Variants in TRHDE observed in about 807,000 individuals in gnomAD.
TRHDE encodes thyrotropin releasing hormone degrading enzyme.
TRHDE carries 72 observed loss-of-function variants against 125.7 expected under a neutral mutation model. The observed-to-expected ratio is 0.57, with a 90% CI of 0.47 to 0.70. TRHDE has a LOEUF of 0.70. Ranked by LOEUF, TRHDE falls within the 30% of genes least tolerant of loss-of-function variation. The probability of loss-of-function intolerance (pLI) is 0.00; values close to 1 mark genes in which losing one functional copy is unlikely to be tolerated. For missense variants in TRHDE, 1,110 were observed against 1,327.1 expected (o/e 0.84, Z 2.54); for synonymous variants, 509 against 509.1 (o/e 1.00, Z 0.00).
At chr12:72,238,054 T>C (rs1878370687) in intron 2 of TRHDE, among the ~76,000 whole-genome samples, 1 of 151,670 alleles carries the variant, frequency 6.6e-6, no homozygotes, top group African/African-American at 2.4e-5. Context: ...GTAAGGACTT[T>C]GGCATTGACA....
At chr12:72,453,729 G>A (rs1875696007) in intron 3 of TRHDE, among the ~76,000 whole-genome samples, 1 of 152,210 alleles carries the variant, frequency 6.6e-6, no homozygotes, top group Non-Finnish European at 1.5e-5. Context: ...CAGGCTCAGA[G>A]CCCTGTTGCC....
In TRHDE at chr12:72,663,781, G is replaced by C. The variant is rs1306462420; in HGVS notation, c.*586G>C. 1 of 152,326 alleles carries C rather than the reference G, an allele frequency of 6.6e-6. No homozygotes were observed. Among genetic ancestry groups the C allele is most frequent in the Non-Finnish European group, 1.5e-5 (1 of 68,018 alleles). The allele number at this position is 152,326 out of a possible 1,614,324, so 9.4% of individuals were successfully genotyped here. On this transcript the variant is annotated 3_prime_UTR_variant, in exon 19 of 19. Coordinates refer to ENST00000261180, the MANE Select transcript of TRHDE (RefSeq NM_013381.3). ...CATCACTTATTTCAGCACTTGGATT[G>C]TCTGGCAATGATTACTGTGTTGCTA...
chr12:72,224,162 G>GTATCTATCTATCTATC (rs1219858596), intron 2 of TRHDE, among the ~76,000 whole-genome samples: 2 of 27,044 alleles, frequency 7.4e-5, no homozygotes, highest in African/African-American at 2.3e-4. Context: ...ATGTATGTAT[G>GTATCTATCTATCTATC]TATGTATCTA....
At chr12:72,366,067 CTCTT>C (rs1483091536) in intron 2 of TRHDE, among the ~76,000 whole-genome samples, 1 of 152,120 alleles carries the variant, frequency 6.6e-6, no homozygotes, top group Non-Finnish European at 1.5e-5. Flanking sequence ...GTCCAACGAA[CTCTT>C]TCTGCCTCCC....
At chr12:72,139,321 A>G (rs1340488434) in intron 2 of TRHDE, among the ~76,000 whole-genome samples, 1 of 152,086 alleles carries the variant, frequency 6.6e-6, no homozygotes, top group African/African-American at 2.4e-5. Flanking sequence ...AATTTTTTTC[A>G]GACAACATGT....
At chr12:72,445,435 C>T (rs1209468644) in intron 3 of TRHDE, among the ~76,000 whole-genome samples, 1 of 151,886 alleles carries the variant, frequency 6.6e-6, no homozygotes, top group African/African-American at 2.4e-5. Context: ...TTTTCAGAGA[C>T]ACTCCCAACC....
rs1592601412 is a variant in TRHDE, at chr12:72,660,048, G to A, written c.3067-3004G>A. 2.6e-5 allele frequency among the ~76,000 whole-genome samples: 4 copies of A among 152,068 alleles called. No individual in the cohort carries two copies. The East Asian group carries it at 7.7e-4, about 29-fold the overall frequency. ...TATACAAGACAAGGGGGCAGGGTAAGGAGGATAAGTCATCCAAGTGATTGA... is the reference window on the plus strand; with the variant it reads ...TATACAAGACAAGGGGGCAGGGTAAAGAGGATAAGTCATCCAAGTGATTGA... On this transcript the variant is annotated intron_variant, in intron 18 of 18. Transcript: ENST00000261180.
At chr12:72,636,331 TG>T (rs1873750022) in intron 15 of TRHDE, among the ~76,000 whole-genome samples, 1 of 151,064 alleles carries the variant, frequency 6.6e-6, no homozygotes, top group South Asian at 2.1e-4. Context: ...TAAGAATGCT[TG>T]TGATTTTTGT....
chr12:72,171,029 A>G (rs2139335226), intron 2 of TRHDE, among the ~76,000 whole-genome samples: 1 of 152,308 alleles, frequency 6.6e-6, no homozygotes, highest in Non-Finnish European at 1.5e-5. Context: ...TAAGGAGACC[A>G]ATAAGTTCTC....
intron 2 of TRHDE, among the ~76,000 whole-genome samples, chr12:72,348,815 T>A (rs894195098): frequency 1.3e-5 from 2 of 152,032 alleles, no homozygotes; most frequent in African/African-American, 4.8e-5. Context: ...ACCATATGAA[T>A]TTTCTGGAAT....
rs371092653 is a variant in TRHDE at position 72,647,006 on chromosome 12, G to A, written c.2676-5316G>A. Among the ~76,000 whole-genome samples the A allele has an allele frequency of 3.0e-4, 46 of 152,000 alleles. No homozygotes were observed. In the East Asian group the frequency reaches 3.5e-3, roughly 12 times the overall value. On this transcript the variant is annotated intron_variant, in intron 15 of 18. Coordinates refer to ENST00000261180, the MANE Select transcript of TRHDE (RefSeq NM_013381.3). ...ACATACACAGAATATCCTACCGTCC[G>A]ACAACAGAATATACATTCTTCTCAA... is the stretch of plus-strand genomic sequence containing the variant.
intron 2 of TRHDE, among the ~76,000 whole-genome samples, chr12:72,222,255 G>A (rs185601952): frequency 6.6e-6 from 1 of 152,216 alleles, no homozygotes; most frequent in East Asian, 1.9e-4. Context: ...GGTAAGAAGA[G>A]TATGTGGAAT....
chr12:72,622,067 C>A (rs1223277988), intron 15 of TRHDE, among the ~76,000 whole-genome samples: 3 of 152,010 alleles, frequency 2.0e-5, no homozygotes, highest in Admixed American at 6.6e-5. Context: ...GAAATTCAAT[C>A]CAGACTCTTT....
intron 2 of TRHDE, among the ~76,000 whole-genome samples, chr12:72,325,494 T>G (rs1869297786): frequency 6.6e-6 from 1 of 152,136 alleles, no homozygotes. Flanking sequence ...ATTTGATGTT[T>G]TAGGAATAAA....
At chr12:72,105,669 G>T (rs914557119) in exon 2 of TRHDE, 21 of 152,144 alleles carry the variant, frequency 1.4e-4, no homozygotes, top group African/African-American at 4.8e-4. Flanking sequence ...AGGCACAAGT[G>T]TTATGTGGTC....
intron 1 of TRHDE, among the ~76,000 whole-genome samples, chr12:72,089,272 T>C (rs536614377): frequency 1.3e-5 from 2 of 152,308 alleles, no homozygotes; most frequent in South Asian, 4.1e-4. Flanking sequence ...CCAGTTTTTT[T>C]CTTCTCAGCA....
intron 15 of TRHDE, among the ~76,000 whole-genome samples, chr12:72,632,229 C>A (rs1020659019): frequency 6.6e-6 from 1 of 151,958 alleles, no homozygotes; most frequent in Non-Finnish European, 1.5e-5. Context: ...AGCTAAAGTG[C>A]TAATTCCCAA....
At chr12:72,614,380 G>A (rs1872741586) in intron 12 of TRHDE, among the ~76,000 whole-genome samples, 3 of 145,394 alleles carry the variant, frequency 2.1e-5, no homozygotes. Flanking sequence ...TTGACAGAGA[G>A]ACTTCCCTGT....
intron 15 of TRHDE, among the ~76,000 whole-genome samples, chr12:72,630,460 C>A (rs1166710775): frequency 6.6e-6 from 1 of 151,702 alleles, no homozygotes; most frequent in Admixed American, 6.6e-5. Flanking sequence ...TGGTTTTGAA[C>A]TTCTGCTCTC....
Sources: gnomAD v4.1 joint callset for allele counts (sites outside exome capture counted in the v4.1 genomes callset) on GRCh38, gnomAD v4.1.1 for gene constraint, MANE v1.5 for transcripts, NCBI Gene and HGNC (gene_info 2026-07-23, HGNC 2026-07-21) for gene names.